VEGFC: variants seen among roughly 807,000 people sequenced by gnomAD.
VEGFC encodes the protein vascular endothelial growth factor C.
Under a neutral mutation model 46.1 loss-of-function variants are expected in VEGFC, and 12 were observed. That is an observed-to-expected ratio of 0.26 (90% CI 0.17 to 0.42). The LOEUF is 0.42. Ranked by LOEUF, VEGFC falls within the 10% of genes least tolerant of loss-of-function variation. The pLI is 1.00. For synonymous variants in VEGFC, 232 were observed against 195.5 expected, an observed-to-expected ratio of 1.19 and a Z score of -1.56; for missense variants, 488 against 529.4, an observed-to-expected ratio of 0.92 and a Z score of 0.77.
Position 176,733,389 on chromosome 4 carries a change from G to C in VEGFC, c.148-3643C>G, listed in dbSNP as rs567721249. The stretch of plus-strand genomic sequence containing the variant: ...CTTTAGCTGGGCAAATGGATAAAAT[G>C]TGATTGTACATTCATGTAATGGAAT... On this transcript the variant is annotated intron_variant, in intron 1 of 6. Transcript: ENST00000618562. Among the ~76,000 whole-genome samples, 362 of 152,090 alleles carry C rather than the reference G, an allele frequency of 2.4e-3. 2 individuals carry two copies. Among genetic ancestry groups the C allele is most frequent in the African/African-American group, 8.4e-3 (347 of 41,534 alleles).
At chr4:176,684,159 C>T (rs1014143334) in intron 6 of VEGFC, 119 bp from the exon 7 acceptor site, 53 of 748,540 alleles carry the variant, frequency 7.1e-5, no homozygotes, top group South Asian at 1.6e-4. Flanking sequence ...AATTTTATGA[C>T]GAAATTGTTC....
rs1045149984 is a variant in VEGFC, at chr4:176,687,998, A to G, written c.705-71T>C. On this transcript the variant is annotated intron_variant, in intron 4 of 6. Transcript: ENST00000618562. ...TAGAAGGGACCATCTCTGCTCACAT[A>G]TGTATCAAAATAATGCTCATAGAAA... The G allele has an allele frequency of 3.2e-5, 24 of 754,864 alleles. No individual in the cohort carries two copies. The South Asian group carries it at 3.8e-4, about 12-fold the overall frequency. 46.8% of individuals were successfully genotyped at this position (754,864 alleles called of 1,614,324 possible). A position where few individuals can be genotyped will look rare whatever the true frequency, so the allele number is the denominator to read the frequency against.
chr4:176,770,807 T>C (rs1735708427), intron 1 of VEGFC, among the ~76,000 whole-genome samples: 1 of 152,040 alleles, frequency 6.6e-6, no homozygotes, highest in Non-Finnish European at 1.5e-5. Context: ...TGTCATAGAC[T>C]TTTCTTGTTT....
Position 176,683,836 on chromosome 4 carries a change from C to G in VEGFC, c.*90G>C. ...GACTTTTGTCTTTGTTAGCATGGACCCACAAGGGTCTCTCTGTTCACAGAC... is the reference window on the plus strand; with the variant it reads ...GACTTTTGTCTTTGTTAGCATGGACGCACAAGGGTCTCTCTGTTCACAGAC... On this transcript the variant is annotated 3_prime_UTR_variant, in exon 7 of 7. Coordinates refer to ENST00000618562, the MANE Select transcript of VEGFC (RefSeq NM_005429.5). The G allele has an allele frequency of 9.5e-7, 1 of 1,054,022 alleles. No homozygotes were observed. The highest frequency in any genetic ancestry group is 1.5e-6 in the Non-Finnish European group (1 of 685,450). The allele number at this position is 1,054,022 out of a possible 1,614,324, so 65.3% of individuals were successfully genotyped here.
rs113393220 is a variant in VEGFC, at chr4:176,732,888, A to T, written c.148-3142T>A. ...TAAAACACACAAATGATAAACAGTGAGAAAACATTTACAAAGCACATAACT... is the reference window on the plus strand; with the variant it reads ...TAAAACACACAAATGATAAACAGTGTGAAAACATTTACAAAGCACATAACT... On this transcript the variant is annotated intron_variant, in intron 1 of 6. Coordinates refer to ENST00000618562, the MANE Select transcript of VEGFC (RefSeq NM_005429.5). 3.6e-3 allele frequency among the ~76,000 whole-genome samples: 543 copies of T among 152,094 alleles called. 1 individual carries two copies. The highest frequency in any genetic ancestry group is 0.028 in the South Asian group (134 of 4,822).
chr4:176,784,352 G>A (rs994825225), intron 1 of VEGFC, among the ~76,000 whole-genome samples: 8 of 151,904 alleles, frequency 5.3e-5, no homozygotes, highest in Non-Finnish European at 8.8e-5. Context: ...TTACAGACGT[G>A]AGCCACCACA....
At chr4:176,740,233 T>C (rs1735141952) in intron 1 of VEGFC, among the ~76,000 whole-genome samples, 3 of 121,608 alleles carry the variant, frequency 2.5e-5, no homozygotes, top group African/African-American at 1.0e-4. Context: ...AATATATAAC[T>C]ATATATAGAA....
chr4:176,684,094 T>C, intron 6 of VEGFC, 54 bp from the exon 7 acceptor site: 1 of 1,258,954 alleles, frequency 7.9e-7, no homozygotes, highest in Non-Finnish European at 1.2e-6. Context: ...AATGGATTCA[T>C]CATGCTACCA....
intron 1 of VEGFC, among the ~76,000 whole-genome samples, chr4:176,760,831 C>A (rs28611324): frequency 0.056 from 8,528 of 152,092 alleles, 456 homozygotes; most frequent in African/African-American, 0.12. Flanking sequence ...CGAAGAAATG[C>A]GATATTGAGG....
chr4:176,777,861 G>C (rs934967241), intron 1 of VEGFC, among the ~76,000 whole-genome samples: 12 of 130,564 alleles, frequency 9.2e-5, no homozygotes, highest in Admixed American at 9.2e-4. Context: ...GGAGCTTGCA[G>C]TGAGCCAAGA....
chr4:176,765,386 A>C (rs949499643), intron 1 of VEGFC, among the ~76,000 whole-genome samples: 1 of 152,040 alleles, frequency 6.6e-6, no homozygotes, highest in African/African-American at 2.4e-5. Context: ...GACTATAAAG[A>C]AAAAGGCATA....
At position 176,684,017 on chromosome 4, in the gene VEGFC, T is replaced by C; in HGVS notation, c.1169A>G (p.Asn390Ser). The part of the protein sequence containing the change: ...TCSCYRRPCT[N>S]RQKACEPGFS... ...TCCTGGCTCACAAGCCTTCTGGCGG[T>C]TCGTACATGGCCGTCTGTAACAGCT... Residue 390 changes from asparagine (N) to serine (S), a missense_variant, in exon 7 of 7, where the codon AAC becomes AGC. Physicochemically the swap from Asn to Ser is conservative, Grantham distance 46. Coordinates refer to ENST00000618562, the MANE Select transcript of VEGFC (RefSeq NM_005429.5). The C allele has an allele frequency of 6.2e-7, 1 of 1,614,204 alleles. No homozygotes were observed. Among genetic ancestry groups the C allele is most frequent in the Non-Finnish European group, 8.5e-7 (1 of 1,180,032 alleles).
At chr4:176,716,331 C>T (rs984315054) in intron 3 of VEGFC, among the ~76,000 whole-genome samples, 2 of 151,906 alleles carry the variant, frequency 1.3e-5, no homozygotes, top group African/African-American at 4.8e-5. Context: ...AACCCCAGCA[C>T]TTTGGGAGGC....
chr4:176,707,302 T>A (rs1734551249), intron 4 of VEGFC, among the ~76,000 whole-genome samples: 1 of 152,224 alleles, frequency 6.6e-6, no homozygotes, highest in Non-Finnish European at 1.5e-5. Flanking sequence ...GGAGTTTTGG[T>A]TGCACCACAT....
At chr4:176,735,335 T>G (rs1424780911) in intron 1 of VEGFC, among the ~76,000 whole-genome samples, 1 of 151,954 alleles carries the variant, frequency 6.6e-6, no homozygotes, top group Non-Finnish European at 1.5e-5. Flanking sequence ...CATTATTTCA[T>G]CAGGGTAATG....
intron 1 of VEGFC, among the ~76,000 whole-genome samples, chr4:176,781,422 C>T (rs180963638): frequency 1.3e-5 from 2 of 152,106 alleles, no homozygotes; most frequent in Admixed American, 6.5e-5. Flanking sequence ...AAAACAGACA[C>T]AAACAAAAAG....
intron 3 of VEGFC, among the ~76,000 whole-genome samples, chr4:176,725,230 G>A (rs1734854338): frequency 6.6e-6 from 1 of 152,076 alleles, no homozygotes; most frequent in Non-Finnish European, 1.5e-5. Flanking sequence ...CTTCAAAAAA[G>A]ATTTTTGTCT....
At chr4:176,741,795 T>C (rs1394453502) in intron 1 of VEGFC, among the ~76,000 whole-genome samples, 2 of 151,998 alleles carry the variant, frequency 1.3e-5, no homozygotes, top group Non-Finnish European at 2.9e-5. Context: ...TCTTGACATG[T>C]AACCAGATTT....
intron 1 of VEGFC, among the ~76,000 whole-genome samples, chr4:176,761,841 T>C (rs1370650044): frequency 6.6e-6 from 1 of 152,134 alleles, no homozygotes; most frequent in Non-Finnish European, 1.5e-5. Context: ...AGGCATGGAA[T>C]ACAAAATGAA....
Sources: gnomAD v4.1 joint callset for allele counts (sites outside exome capture counted in the v4.1 genomes callset) on GRCh38, gnomAD v4.1.1 for gene constraint, MANE v1.5 for transcripts, NCBI Gene and HGNC (gene_info 2026-07-23, HGNC 2026-07-21) for gene names.